The following SECISBP2L variants were observed in gnomAD, a reference collection of about 807,000 sequenced individuals.
SECISBP2L encodes the protein selenocysteine insertion sequence-binding protein 2-like.
SECISBP2L carries 43 observed loss-of-function variants against 114.7 expected under a neutral mutation model. That is an observed-to-expected ratio of 0.38 (90% CI 0.29 to 0.48). SECISBP2L has a LOEUF of 0.48. Among genes scored for constraint, SECISBP2L ranks in the 20% least tolerant of loss-of-function variants. SECISBP2L has a pLI of 0.98. For missense variants in SECISBP2L, 1,136 were observed against 1,301.1 expected (o/e 0.87, Z 1.95); for synonymous variants, 451 against 439.7 (o/e 1.03, Z -0.32).
chr15:49,027,603 CCTT>C, intron 6 of SECISBP2L, 123 bp from the exon 7 acceptor site: 1 of 505,640 alleles, frequency 2.0e-6, no homozygotes, highest in Non-Finnish European at 3.4e-6. Context: ...TTTCTATAAA[CCTT>C]ATTATTTTTT....
intron 3 of SECISBP2L, 32 bp from the exon 4 acceptor site, chr15:49,033,132 A>C (rs1902933632): frequency 6.3e-7 from 1 of 1,597,468 alleles, no homozygotes; most frequent in South Asian, 1.1e-5. Context: ...AAAACAAAAA[A>C]CACACAACTA....
At chr15:49,017,676 A>C (rs1374902053) in intron 8 of SECISBP2L, 48 bp from the exon 9 acceptor site, 1 of 1,307,296 alleles carries the variant, frequency 7.6e-7, no homozygotes, top group Admixed American at 2.1e-5. Context: ...GCAAACTCCT[A>C]AACTTTTTAT....
In SECISBP2L at chr15:49,001,055, C is replaced by G. The variant is rs765299373; in HGVS notation, c.2070G>C (p.Val690=). ...TGACAAGCTCTTGGAGAAGAAGAGT[C>G]ACACATTCATCAATCTCTTTACAAA... ...QVLCKEIDEC[V]TLLLQELVSF... is the part of the protein sequence containing the mutation. Residue 690 remains valine (V), a synonymous_variant, in exon 15 of 18, where the codon GTG becomes GTC. Coordinates refer to ENST00000559471, the MANE Select transcript of SECISBP2L (RefSeq NM_001193489.2). 5.6e-6 allele frequency: 9 copies of G among 1,613,320 alleles called. No homozygotes were observed. In the South Asian group the frequency reaches 8.8e-5, roughly 16 times the overall value.
intron 14 of SECISBP2L, among the ~76,000 whole-genome samples, chr15:49,002,230 T>C (rs1022392650): frequency 6.6e-6 from 1 of 152,206 alleles, no homozygotes; most frequent in South Asian, 2.1e-4. Context: ...TTTTCATACG[T>C]TTCTTGACCG....
At chr15:49,012,603 C>T (rs765546255) in intron 12 of SECISBP2L, 45 bp downstream of exon 12, 2 of 1,587,242 alleles carry the variant, frequency 1.3e-6, no homozygotes, top group Non-Finnish European at 8.6e-7. Context: ...GATTAAAATC[C>T]TTATTCATCC....
chr15:49,009,327 T>C lies in SECISBP2L; in HGVS notation c.1916A>G (p.Asn639Ser). 1.9e-6 allele frequency: 3 copies of C among 1,614,042 alleles called. No homozygotes were observed. The highest frequency in any genetic ancestry group is 1.6e-4 in the Middle Eastern group (1 of 6,062). ...CACAGGTGTCATACAGTATGGAGAGTTCTGACTTGCTGGAGAGAGTGAAGT... is the reference window on the plus strand; with the variant it reads ...CACAGGTGTCATACAGTATGGAGAGCTCTGACTTGCTGGAGAGAGTGAAGT... The part of the protein sequence containing the change: ...SDTSLSPASQ[N>S]SPYCMTPVSQ... The change falls in exon 14 of 18, where the codon AAC becomes AGC. Residue 639 changes from asparagine (N) to serine (S), a missense_variant. Transcript: ENST00000559471.
intron 1 of SECISBP2L, among the ~76,000 whole-genome samples, chr15:49,041,514 G>A (rs542000679): frequency 3.3e-5 from 5 of 152,308 alleles, no homozygotes; most frequent in African/African-American, 1.2e-4. Context: ...AAAGAGCACT[G>A]TGCTGGACTG....
At chr15:49,044,692 G>A (rs1903207491) in intron 1 of SECISBP2L, among the ~76,000 whole-genome samples, 1 of 152,096 alleles carries the variant, frequency 6.6e-6, no homozygotes, top group Non-Finnish European at 1.5e-5. Flanking sequence ...TTAATAGGTC[G>A]TGGACTTTGG....
intron 14 of SECISBP2L, among the ~76,000 whole-genome samples, chr15:49,003,245 T>C (rs1403424277): frequency 6.6e-6 from 1 of 152,210 alleles, no homozygotes; most frequent in African/African-American, 2.4e-5. Context: ...TATTTGGCTA[T>C]TATTGGTGTG....
rs1902729594 is a variant in SECISBP2L, at chr15:49,025,802, T to C, written c.1035+1563A>G. The stretch of plus-strand genomic sequence containing the variant: ...TTGATCTTGGGAATGTAAATTAGTA[T>C]GACCACTACAGAAAATAGTATAAAG... On this transcript the variant is annotated intron_variant, in intron 7 of 17. Transcript: ENST00000559471. Among the ~76,000 whole-genome samples the C allele has an allele frequency of 2.0e-5, 3 of 152,298 alleles. No homozygotes were observed. In the East Asian group the frequency reaches 5.8e-4, roughly 29 times the overall value.
chr15:49,042,015 C>T (rs1389343910), intron 1 of SECISBP2L, among the ~76,000 whole-genome samples: 3 of 152,160 alleles, frequency 2.0e-5, no homozygotes, highest in African/African-American at 7.2e-5. Flanking sequence ...TCTGCCCATA[C>T]TGGGCAGAAT....
Position 49,016,629 on chromosome 15 carries a change from C to A in SECISBP2L, c.1492G>T (p.Ala498Ser), listed in dbSNP as rs1239484194. The A allele has an allele frequency of 6.2e-7, 1 of 1,610,494 alleles. No homozygotes were observed. The highest frequency in any genetic ancestry group is 1.7e-5 in the Admixed American group (1 of 59,916). The change falls in exon 11 of 18, where the codon GCT becomes TCT. Residue 498 changes from alanine to serine, a missense_variant. Transcript: ENST00000559471. ...VQLDLGDMLA[A>S]LEKQQQAMKA... ...ATTGCTTGCTGTTGTTTTTCCAGAG[C>A]AGCTAACATGTCCCCTAAATCTAGC... is the stretch of plus-strand genomic sequence containing the variant.
At chr15:49,042,802 G>T (rs1351995875) in intron 1 of SECISBP2L, among the ~76,000 whole-genome samples, 1 of 152,124 alleles carries the variant, frequency 6.6e-6, no homozygotes, top group Admixed American at 6.5e-5. Context: ...GGCCGACGTG[G>T]GTGGATCACC....
chr15:49,022,047 G>GA (rs1902648416), intron 7 of SECISBP2L, among the ~76,000 whole-genome samples: 1 of 152,056 alleles, frequency 6.6e-6, no homozygotes, highest in Admixed American at 6.5e-5. Flanking sequence ...AAAAATATTA[G>GA]AAATTGCCAC....
In SECISBP2L at chr15:49,021,327, C is replaced by CA. The variant is rs561834163; in HGVS notation, c.1036-1776dup. 1.3e-4 allele frequency among the ~76,000 whole-genome samples: 19 copies of CA among 151,960 alleles called. No individual in the cohort carries two copies. The East Asian group carries it at 2.5e-3, about 20-fold the overall frequency. Reference sequence around the variant, plus strand: ...TTATCTTATAGCAGCCAAAACAGACCAAAAAATCCCATTAACGAATATGCA... The same window carrying CA: ...TTATCTTATAGCAGCCAAAACAGACCAAAAAAATCCCATTAACGAATATGCA... On this transcript the variant is annotated intron_variant, in intron 7 of 17. Coordinates refer to ENST00000559471, the MANE Select transcript of SECISBP2L (RefSeq NM_001193489.2).
rs1276947987 is a variant in SECISBP2L, at chr15:48,996,330, T to C, written c.2623+37A>G. 6 of 1,530,946 alleles carry C rather than the reference T, an allele frequency of 3.9e-6. No individual in the cohort carries two copies. The African/African-American group carries it at 4.1e-5, about 11-fold the overall frequency. The allele number at this position is 1,530,946 out of a possible 1,614,324, so 94.8% of individuals were successfully genotyped here. ...ATAGAAAGTCATTTAAATCATCTCA[T>C]GGTTTAAGTCATTTAAAATAGTATT... is the stretch of plus-strand genomic sequence containing the variant. On this transcript the variant is annotated intron_variant, in intron 17 of 17. Coordinates refer to ENST00000559471, the MANE Select transcript of SECISBP2L (RefSeq NM_001193489.2).
intron 6 of SECISBP2L, 85 bp from the exon 7 acceptor site, chr15:49,027,565 A>T: frequency 1.4e-6 from 1 of 737,386 alleles, no homozygotes; most frequent in Admixed American, 2.5e-5. Context: ...ACTGAAATTC[A>T]GTCACTAGAA....
At chr15:49,018,528 C>T (rs1902582199) in intron 8 of SECISBP2L, among the ~76,000 whole-genome samples, 1 of 152,088 alleles carries the variant, frequency 6.6e-6, no homozygotes, top group Non-Finnish European at 1.5e-5. Flanking sequence ...CTTGGCCTCC[C>T]AAAGTGCTGG....
intron 14 of SECISBP2L, among the ~76,000 whole-genome samples, chr15:49,002,191 C>T (rs1053403070): frequency 2.0e-5 from 3 of 152,190 alleles, no homozygotes; most frequent in Admixed American, 2.0e-4. Context: ...TTTTGATTTG[C>T]ATTTCTCTAA....
Sources: gnomAD v4.1 joint callset for allele counts (sites outside exome capture counted in the v4.1 genomes callset) on GRCh38, gnomAD v4.1.1 for gene constraint, MANE v1.5 for transcripts, NCBI Gene and HGNC (gene_info 2026-07-23, HGNC 2026-07-21) for gene names.